Variants in PDE10A observed in about 807,000 individuals in gnomAD.
PDE10A encodes the protein cAMP and cAMP-inhibited cGMP 3',5'-cyclic phosphodiesterase 10A.
A neutral mutation model predicts 97.7 loss-of-function variants in PDE10A; 39 were observed. The observed-to-expected ratio is 0.40, with a 90% CI of 0.31 to 0.52. PDE10A has a LOEUF of 0.52. Among genes scored for constraint, PDE10A ranks in the 20% least tolerant of loss-of-function variants. The probability of loss-of-function intolerance (pLI) is 0.56; values close to 1 mark genes in which losing one functional copy is unlikely to be tolerated. For missense variants in PDE10A, 731 were observed against 1,047.8 expected (o/e 0.70, Z 4.17); for synonymous variants, 371 against 376.8 (o/e 0.98, Z 0.18).
intron 1 of PDE10A, among the ~76,000 whole-genome samples, chr6:165,550,933 C>A (rs1347984028): frequency 6.6e-6 from 1 of 152,144 alleles, no homozygotes; most frequent in East Asian, 1.9e-4. Context: ...GTTAAAAAAT[C>A]TTATTAGTTT....
At chr6:165,790,146 T>C (rs1778608265) in intron 1 of PDE10A, among the ~76,000 whole-genome samples, 1 of 152,260 alleles carries the variant, frequency 6.6e-6, no homozygotes, top group Non-Finnish European at 1.5e-5. Context: ...CAGAGATTTT[T>C]CTAACTTCTA....
At chr6:165,608,937 T>C (rs1188792599) in intron 1 of PDE10A, among the ~76,000 whole-genome samples, 1 of 152,242 alleles carries the variant, frequency 6.6e-6, no homozygotes, top group African/African-American at 2.4e-5. Context: ...TTCATATCCT[T>C]CACCCACTTT....
intron 1 of PDE10A, among the ~76,000 whole-genome samples, chr6:165,963,495 T>G (rs957488569): frequency 9.9e-5 from 15 of 152,174 alleles, no homozygotes; most frequent in Admixed American, 3.3e-4. Flanking sequence ...CCTGCTACAG[T>G]TGTTTAACAT....
intron 1 of PDE10A, among the ~76,000 whole-genome samples, chr6:165,777,037 G>A (rs1399517614): frequency 6.6e-6 from 1 of 152,198 alleles, no homozygotes; most frequent in East Asian, 1.9e-4. Context: ...TGTAAAGTGA[G>A]GGCGAGGAGA....
rs1325320687 is a variant in PDE10A, at chr6:165,619,159, GTAGTGTAGTGTAGTC to G, written c.865+42773_865+42787del. 4.3e-3 allele frequency among the ~76,000 whole-genome samples: 515 copies of G among 121,080 alleles called. 19 individuals are homozygous for G. Among genetic ancestry groups the G allele is most frequent in the Non-Finnish European group, 3.3e-3 (175 of 52,862 alleles). The allele number at this position is 121,080 out of a possible 152,430, so 79.4% of individuals were successfully genotyped here. A position where few individuals can be genotyped will look rare whatever the true frequency, so the allele number is the denominator to read the frequency against. The stretch of plus-strand genomic sequence containing the variant: ...GTAGTGTAGTCTAGTGTCGTGTAGT[GTAGTGTAGTGTAGTC>G]TAGTGTAGTGTAGTCTAGTGTAGTG... On this transcript the variant is annotated intron_variant, in intron 1 of 21. Transcript: ENST00000539869.
intron 1 of PDE10A, among the ~76,000 whole-genome samples, chr6:165,699,449 A>C (rs939219921): frequency 2.0e-5 from 3 of 152,194 alleles, no homozygotes. Flanking sequence ...AGAAGATCAG[A>C]TCAACAGGGA....
chr6:165,905,075 A>G (rs1423577477), intron 1 of PDE10A, among the ~76,000 whole-genome samples: 2 of 152,206 alleles, frequency 1.3e-5, no homozygotes, highest in East Asian at 3.8e-4. Flanking sequence ...AGGAAACATC[A>G]CCACTCTCCA....
chr6:165,773,987 C>A (rs1050393263), intron 1 of PDE10A, among the ~76,000 whole-genome samples: 1 of 151,764 alleles, frequency 6.6e-6, no homozygotes, highest in Non-Finnish European at 1.5e-5. Context: ...TTCAGAAAGA[C>A]TTCCATCAAA....
chr6:165,762,935 G>GA (rs1049043366), intron 1 of PDE10A, among the ~76,000 whole-genome samples: 12 of 149,314 alleles, frequency 8.0e-5, no homozygotes, highest in South Asian at 2.1e-4. Flanking sequence ...AGAAAAAAAA[G>GA]AAAAAAAAAG....
intron 1 of PDE10A, among the ~76,000 whole-genome samples, chr6:165,597,151 G>A (rs1786647367): frequency 6.6e-6 from 1 of 152,012 alleles, no homozygotes; most frequent in African/African-American, 2.4e-5. Context: ...CAGGTATCCT[G>A]GAGGAAAGTG....
intron 1 of PDE10A, among the ~76,000 whole-genome samples, chr6:165,777,372 C>T (rs906864876): frequency 9.2e-5 from 14 of 152,216 alleles, no homozygotes; most frequent in Admixed American, 9.2e-4. Context: ...GATTCTTCTC[C>T]GCTTTGGTCG....
intron 13 of PDE10A, among the ~76,000 whole-genome samples, chr6:165,405,031 G>A (rs1438023885): frequency 6.6e-6 from 1 of 151,940 alleles, no homozygotes; most frequent in East Asian, 1.9e-4. Context: ...CTGCAAAGGT[G>A]ACAATAGTTT....
intron 1 of PDE10A, among the ~76,000 whole-genome samples, chr6:165,839,581 G>A (rs1315543230): frequency 6.6e-6 from 1 of 152,042 alleles, no homozygotes; most frequent in Non-Finnish European, 1.5e-5. Flanking sequence ...GTCCACAGTG[G>A]GAATTGAAAT....
chr6:165,812,602 G>A (rs761425215), intron 1 of PDE10A, among the ~76,000 whole-genome samples: 2 of 152,154 alleles, frequency 1.3e-5, no homozygotes, highest in Non-Finnish European at 2.9e-5. Context: ...AGTTGCTTTG[G>A]TAAAGCTTAA....
At chr6:165,341,967 C>T (rs1781996780) in intron 19 of PDE10A, among the ~76,000 whole-genome samples, 1 of 152,154 alleles carries the variant, frequency 6.6e-6, no homozygotes, top group Admixed American at 6.5e-5. Context: ...AAGGTTGCTG[C>T]AAAATTATTA....
intron 1 of PDE10A, among the ~76,000 whole-genome samples, chr6:165,756,812 A>C (rs1340900340): frequency 6.6e-6 from 1 of 150,762 alleles, no homozygotes; most frequent in Non-Finnish European, 1.5e-5. Flanking sequence ...ATGTGTCATC[A>C]AATACTTGAA....
intron 2 of PDE10A, among the ~76,000 whole-genome samples, chr6:165,538,056 C>T (rs987727341): frequency 1.2e-4 from 18 of 151,810 alleles, no homozygotes; most frequent in Non-Finnish European, 1.6e-4. Flanking sequence ...AGAAACCATC[C>T]GTTACATATT....
At chr6:165,793,674 T>G (rs1778723334) in intron 1 of PDE10A, among the ~76,000 whole-genome samples, 1 of 152,222 alleles carries the variant, frequency 6.6e-6, no homozygotes, top group African/African-American at 2.4e-5. Context: ...CCTGTCGCTG[T>G]GACCTTATGG....
intron 1 of PDE10A, among the ~76,000 whole-genome samples, chr6:165,621,672 CT>C (rs1450966013): frequency 1.3e-5 from 2 of 151,724 alleles, no homozygotes; most frequent in Non-Finnish European, 2.9e-5. Context: ...ACCAGAATCG[CT>C]TGAACCTGGG....
Sources: allele counts gnomAD v4.1 joint callset (sites outside exome capture counted in the v4.1 genomes callset), GRCh38; gene constraint gnomAD v4.1.1; transcripts MANE v1.5; gene names NCBI Gene and HGNC (gene_info 2026-07-23, HGNC 2026-07-21).